Variants in DOCK11 observed in about 807,000 individuals in gnomAD.
The protein encoded by DOCK11 is dedicator of cytokinesis protein 11.
In DOCK11, 70 loss-of-function variants were observed where a neutral mutation model predicts 169.1. The ratio of observed to expected loss-of-function variants is 0.41; its 90% CI spans 0.34 to 0.51. The LOEUF (loss-of-function observed/expected upper bound fraction) is 0.51. DOCK11 is among the 20% of genes least tolerant of loss of function. The pLI, the probability that DOCK11 is intolerant of heterozygous loss-of-function variation, is 0.10. For missense variants in DOCK11, 1,166 were observed against 1,538.8 expected, an observed-to-expected ratio of 0.76 and a Z score of 4.05; for synonymous variants, 529 against 541.3, an observed-to-expected ratio of 0.98 and a Z score of 0.32.
chrX:118,602,200 A>G (rs1421941489), intron 23 of DOCK11, among the ~76,000 whole-genome samples: 1 of 106,246 alleles, frequency 9.4e-6, no homozygotes, highest in East Asian at 2.9e-4. Flanking sequence ...GGGTGAGACT[A>G]TGACAAGTCC....
Position 118,608,235 on chromosome X carries a change from G to A in DOCK11, c.2756G>A (p.Ser919Asn), listed in dbSNP as rs1374761678. ...TTTTTGTTTGTTTATTTGTAGTATA[G>A]CTTCCGACCTGAAAAACCGAGTGCT... Reference protein sequence around the residue: ...DSYLRSFIKYSFRPEKPSAPQ... With the variant: ...DSYLRSFIKYNFRPEKPSAPQ... Residue 919 changes from serine to asparagine, a missense_variant, in exon 26 of 53, where the codon AGC (serine) becomes AAC (asparagine). Transcript: ENST00000276202. 1.7e-6 allele frequency: 2 copies of A among 1,201,864 alleles called. No individual in the cohort carries two copies. Among genetic ancestry groups the A allele is most frequent in the South Asian group, 3.6e-5 (2 of 55,365 alleles).
In DOCK11 at chrX:118,578,481, A is replaced by T. The variant is rs770610523; in HGVS notation, c.1390-44A>T. The T allele has an allele frequency of 8.4e-6, 10 of 1,191,727 alleles. No homozygotes were observed. In the African/African-American group the frequency reaches 1.1e-4, roughly 13 times the overall value. On this transcript the variant is annotated intron_variant, in intron 12 of 52. Coordinates refer to ENST00000276202, the MANE Select transcript of DOCK11 (RefSeq NM_144658.4). ...TCGTTAACCATAAACAACCATATGC[A>T]CAAGATTACATAAGAAAGTCTAACG...
intron 40 of DOCK11, among the ~76,000 whole-genome samples, chrX:118,646,756 A>G (rs1326148569): frequency 1.8e-5 from 2 of 111,837 alleles, no homozygotes; most frequent in East Asian, 2.8e-4. Context: ...AGATTTCCCA[A>G]TTCCCAATCA....
At chrX:118,510,796 G>C (rs2057646521) in intron 1 of DOCK11, among the ~76,000 whole-genome samples, 2 of 111,932 alleles carry the variant, frequency 1.8e-5, no homozygotes, top group African/African-American at 6.5e-5. Context: ...GGTAATCACA[G>C]AATCCCTTCC....
chrX:118,679,918 A>ATT (rs55756738), intron 48 of DOCK11, among the ~76,000 whole-genome samples: 1,038 of 55,294 alleles, frequency 0.019, 17 homozygotes, highest in African/African-American at 0.055. Context: ...GATTACAGTA[A>ATT]TTTTTTTTTT....
At chrX:118,602,038 C>T in intron 23 of DOCK11, among the ~76,000 whole-genome samples, 1 of 106,857 alleles carries the variant, frequency 9.4e-6, no homozygotes, top group Non-Finnish European at 1.9e-5. Flanking sequence ...GATCCGCCCA[C>T]CTGGGCCTCC....
At chrX:118,673,462 A>G (rs1352809925) in intron 46 of DOCK11, among the ~76,000 whole-genome samples, 1 of 111,607 alleles carries the variant, frequency 9.0e-6, no homozygotes, top group African/African-American at 3.3e-5. Context: ...ACAGAACAAG[A>G]TCCAATCTCA....
chrX:118,527,271 T>C (rs141802578), intron 1 of DOCK11, among the ~76,000 whole-genome samples: 2,619 of 112,524 alleles, frequency 0.023, 51 homozygotes, highest in South Asian at 0.067. Context: ...CCAATTGATA[T>C]AGATCCAGTC....
intron 39 of DOCK11, among the ~76,000 whole-genome samples, chrX:118,641,953 A>G (rs989080221): frequency 2.7e-5 from 3 of 110,894 alleles, no homozygotes; most frequent in Non-Finnish European, 3.8e-5. Context: ...TTCTCTAAGT[A>G]ATTAAGTTAA....
At chrX:118,539,441 G>T (rs757075140) in intron 1 of DOCK11, among the ~76,000 whole-genome samples, 20 of 111,000 alleles carry the variant, frequency 1.8e-4, no homozygotes, top group Non-Finnish European at 3.4e-4. Context: ...GGGCAAAGTG[G>T]GGGAGATGGT....
At chrX:118,567,350 T>C (rs1402906429) in intron 9 of DOCK11, among the ~76,000 whole-genome samples, 1 of 111,376 alleles carries the variant, frequency 9.0e-6, no homozygotes, top group Non-Finnish European at 1.9e-5. Context: ...TCCTTTTTTT[T>C]TTCTATTTTA....
chrX:118,529,272 A>G (rs2011453547), intron 1 of DOCK11, among the ~76,000 whole-genome samples: 2 of 111,812 alleles, frequency 1.8e-5, no homozygotes, highest in Admixed American at 9.4e-5. Context: ...GTGAGCCACC[A>G]CGCCCGACCA....
At position 118,624,544 on chromosome X, in the gene DOCK11, A is replaced by G. The variant is rs2094744090; in HGVS notation, c.3477A>G (p.Gln1159=). 14 of 1,191,771 alleles carry G rather than the reference A, an allele frequency of 1.2e-5. No individual in the cohort carries two copies. Among genetic ancestry groups the G allele is most frequent in the Non-Finnish European group, 1.6e-5 (14 of 881,037 alleles). Residue 1159 remains glutamine (Q), a synonymous_variant, in exon 32 of 53, where the codon CAA becomes CAG. Transcript: ENST00000276202. ...TTTCAATAATTATTTTTCAGAACCA[A>G]CAAGCCAAAATAGCACAATTGTACC... The part of the protein sequence containing the change: ...AFDTRYQHKN[Q]QAKIAQLYLP...
intron 10 of DOCK11, 109 bp from the exon 11 acceptor site, chrX:118,572,214 T>C (rs920984440): frequency 7.6e-5 from 51 of 675,086 alleles, no homozygotes; most frequent in Non-Finnish European, 1.1e-4. Context: ...AGGGTTCAAA[T>C]GAAGAATGGA....
rs1189698408 is a variant in DOCK11, at chrX:118,676,737, G to C, written c.5460G>C (p.Lys1820Asn). The C allele has an allele frequency of 8.4e-7, 1 of 1,192,015 alleles. No individual in the cohort carries two copies. ...TCAAAATAATTCAGGATTCAGACAA[G>C]GTAACACATACCCTACATGTTGAAA... ...ENVKIIQDSD[K>N]VNAKELDPKY... The change falls in exon 48 of 53, where the codon AAG (lysine) becomes AAC (asparagine). Residue 1820 changes from lysine (K) to asparagine (N), a missense_variant and splice_region_variant. Coordinates refer to ENST00000276202, the MANE Select transcript of DOCK11 (RefSeq NM_144658.4).
intron 24 of DOCK11, among the ~76,000 whole-genome samples, chrX:118,607,440 G>C (rs936972347): frequency 8.1e-5 from 1 of 12,302 alleles, no homozygotes; most frequent in Non-Finnish European, 1.7e-4. Flanking sequence ...TTTTTTTTTT[G>C]AGACAGAGTC....
At chrX:118,554,666 C>T (rs1356043487) in intron 6 of DOCK11, among the ~76,000 whole-genome samples, 2 of 111,678 alleles carry the variant, frequency 1.8e-5, no homozygotes, top group African/African-American at 6.5e-5. Context: ...TCATTGTGGC[C>T]TGGGGTCAGA....
chrX:118,505,786 G>A (rs925751792), intron 1 of DOCK11, among the ~76,000 whole-genome samples: 1 of 112,635 alleles, frequency 8.9e-6, no homozygotes, highest in Non-Finnish European at 1.9e-5. Context: ...ACTCTGTCCT[G>A]TGCCTTGGGC....
intron 39 of DOCK11, among the ~76,000 whole-genome samples, chrX:118,642,588 A>G (rs2015559141): frequency 8.9e-6 from 1 of 111,806 alleles, no homozygotes; most frequent in Admixed American, 9.6e-5. Context: ...CAGGAGGTTA[A>G]TGTCAAATAG....
Sources: allele counts gnomAD v4.1 joint callset (sites outside exome capture counted in the v4.1 genomes callset), GRCh38; gene constraint gnomAD v4.1.1; transcripts MANE v1.5; gene names NCBI Gene and HGNC (gene_info 2026-07-23, HGNC 2026-07-21).